CDH18: variants seen among roughly 807,000 people sequenced by gnomAD.
CDH18 encodes cadherin 18.
A neutral mutation model predicts 67.9 loss-of-function variants in CDH18; 31 were observed. The ratio of observed to expected loss-of-function variants is 0.46; its 90% CI spans 0.34 to 0.62. CDH18 has a LOEUF of 0.62. CDH18 is among the 20% of genes least tolerant of loss of function. The pLI, the probability that CDH18 is intolerant of heterozygous loss-of-function variation, is 0.01. For missense variants in CDH18, 890 were observed against 975.5 expected (o/e 0.91, Z 1.17); for synonymous variants, 362 against 347.2 (o/e 1.04, Z -0.48).
At chr5:19,948,358 G>A (rs924120591) in intron 2 of CDH18, among the ~76,000 whole-genome samples, 7 of 152,044 alleles carry the variant, frequency 4.6e-5, no homozygotes, top group Non-Finnish European at 7.4e-5. Flanking sequence ...GTCCTTCAAC[G>A]GGTGAATGGT....
intron 2 of CDH18, among the ~76,000 whole-genome samples, chr5:19,888,347 A>G (rs1206013201): frequency 2.6e-5 from 4 of 152,120 alleles, no homozygotes; most frequent in African/African-American, 9.7e-5. Context: ...AACAAGGTAT[A>G]TATTTCCTTT....
At chr5:19,603,420 C>A (rs2150074025) in intron 6 of CDH18, among the ~76,000 whole-genome samples, 1 of 152,120 alleles carries the variant, frequency 6.6e-6, no homozygotes, top group East Asian at 1.9e-4. Flanking sequence ...GACGAAAAGA[C>A]TTCTGTATTT....
At chr5:20,020,643 C>T (rs1490906324) in intron 2 of CDH18, among the ~76,000 whole-genome samples, 1 of 152,118 alleles carries the variant, frequency 6.6e-6, no homozygotes, top group African/African-American at 2.4e-5. Flanking sequence ...TAGTGTTAAG[C>T]CTCTGGGTGT....
At chr5:19,554,964 A>G (rs1738125620) in intron 8 of CDH18, among the ~76,000 whole-genome samples, 1 of 152,246 alleles carries the variant, frequency 6.6e-6, no homozygotes, top group South Asian at 2.1e-4. Flanking sequence ...CATGTGTCCA[A>G]AGAGTTACTA....
chr5:20,517,231 A>G (rs1026287257), intron 1 of CDH18, among the ~76,000 whole-genome samples: 1 of 151,748 alleles, frequency 6.6e-6, no homozygotes, highest in Non-Finnish European at 1.5e-5. Flanking sequence ...ATTTTAAATC[A>G]TGAATAGAGA....
At chr5:19,894,495 A>T (rs937993817) in intron 2 of CDH18, among the ~76,000 whole-genome samples, 9 of 152,046 alleles carry the variant, frequency 5.9e-5, no homozygotes, top group Admixed American at 2.6e-4. Context: ...GGCTACCTAA[A>T]AAAAAATATT....
In CDH18 at chr5:20,153,224, G is replaced by A. The variant is rs144913364; in HGVS notation, c.-518+102220C>T. Reference sequence around the variant, plus strand: ...CCCAAAGGAGAAGAGGAATCTTAACGGTTAGCCAGCCTGATGATTCTTGTG... The same window carrying A: ...CCCAAAGGAGAAGAGGAATCTTAACAGTTAGCCAGCCTGATGATTCTTGTG... On this transcript the variant is annotated intron_variant, in intron 2 of 14. Coordinates refer to the CDH18 transcript ENST00000507958. Among the ~76,000 whole-genome samples, 1,147 of 152,038 alleles carry A rather than the reference G, an allele frequency of 7.5e-3. 43 individuals carry two copies. Among genetic ancestry groups the A allele is most frequent in the Admixed American group, 0.068 (1,037 of 15,254 alleles).
intron 4 of CDH18, among the ~76,000 whole-genome samples, chr5:19,731,125 A>C (rs1457336515): frequency 6.6e-6 from 1 of 152,108 alleles, no homozygotes; most frequent in Admixed American, 6.5e-5. Flanking sequence ...ACACATTTTC[A>C]TCATATAGGC....
At chr5:20,297,790 C>G (rs759487471) in intron 1 of CDH18, among the ~76,000 whole-genome samples, 2 of 152,184 alleles carry the variant, frequency 1.3e-5, no homozygotes, top group Non-Finnish European at 2.9e-5. Flanking sequence ...GAACCCCACT[C>G]TGATGCTCTT....
chr5:19,632,470 A>C (rs987524362), intron 5 of CDH18, among the ~76,000 whole-genome samples: 3 of 152,152 alleles, frequency 2.0e-5, no homozygotes, highest in African/African-American at 7.2e-5. Flanking sequence ...ATTTTGCCTT[A>C]ATTCTTTCCG....
chr5:20,095,709 A>C (rs1373844464), intron 2 of CDH18, among the ~76,000 whole-genome samples: 1 of 151,948 alleles, frequency 6.6e-6, no homozygotes, highest in Non-Finnish European at 1.5e-5. Flanking sequence ...GGCAATGTAG[A>C]TATCATAGGA....
At chr5:20,019,153 G>GA (rs1738172829) in intron 2 of CDH18, among the ~76,000 whole-genome samples, 1 of 152,042 alleles carries the variant, frequency 6.6e-6, no homozygotes, top group South Asian at 2.1e-4. Context: ...TATTTTCATG[G>GA]AATTAAGCAC....
At chr5:20,465,212 TGAAGA>T (rs1433251455) in intron 1 of CDH18, among the ~76,000 whole-genome samples, 2 of 151,746 alleles carry the variant, frequency 1.3e-5, no homozygotes, top group African/African-American at 2.4e-5. Flanking sequence ...GAGTAAGCAA[TGAAGA>T]GAAGACTGAA....
intron 2 of CDH18, among the ~76,000 whole-genome samples, chr5:20,249,840 C>T (rs376039399): frequency 5.3e-5 from 8 of 151,976 alleles, no homozygotes; most frequent in South Asian, 2.1e-4. Context: ...TTACTGTTAT[C>T]GGTTATAAAT....
At chr5:20,161,478 T>A (rs1408674105) in intron 2 of CDH18, among the ~76,000 whole-genome samples, 1 of 152,172 alleles carries the variant, frequency 6.6e-6, no homozygotes, top group East Asian at 1.9e-4. Context: ...CCAAAGTGAA[T>A]GTGGGACATG....
At chr5:20,024,177 T>C (rs1344979234) in intron 2 of CDH18, among the ~76,000 whole-genome samples, 2 of 152,232 alleles carry the variant, frequency 1.3e-5, no homozygotes, top group African/African-American at 4.8e-5. Context: ...AAGGCTAAAA[T>C]CCAAACTTCA....
At chr5:19,990,217 C>T (rs184466730), upstream of CDH18, among the ~76,000 whole-genome samples, 3 of 152,230 alleles carry the variant, frequency 2.0e-5, no homozygotes, top group African/African-American at 7.2e-5. Context: ...GTAAGAGGTC[C>T]TATAGTTTAA....
At chr5:20,512,912 T>C (rs1238583114) in intron 1 of CDH18, among the ~76,000 whole-genome samples, 4 of 151,200 alleles carry the variant, frequency 2.6e-5, no homozygotes, top group Non-Finnish European at 5.9e-5. Flanking sequence ...TCGACTCAGC[T>C]CTGATGCTTG....
At chr5:20,390,688 G>A (rs964193918) in intron 1 of CDH18, among the ~76,000 whole-genome samples, 3 of 152,088 alleles carry the variant, frequency 2.0e-5, no homozygotes, top group African/African-American at 7.2e-5. Flanking sequence ...ACATGCACAC[G>A]TATGTTTATT....
Sources: gnomAD v4.1 joint callset for allele counts (sites outside exome capture counted in the v4.1 genomes callset) on GRCh38, gnomAD v4.1.1 for gene constraint, MANE v1.5 for transcripts, NCBI Gene and HGNC (gene_info 2026-07-23, HGNC 2026-07-21) for gene names.